The following PLCL2 variants were observed in gnomAD, a reference collection of about 807,000 sequenced individuals.
PLCL2 encodes inactive phospholipase C-like protein 2.
Under a neutral mutation model 79.6 loss-of-function variants are expected in PLCL2, and 4 were observed. The observed-to-expected ratio is 0.05, with a 90% CI of 0.02 to 0.11. The LOEUF is 0.11. Ranked by LOEUF, PLCL2 falls within the 10% of genes least tolerant of loss-of-function variation. PLCL2 has a pLI of 1.00. For missense variants in PLCL2, 895 were observed against 1,291.0 expected (o/e 0.69, Z 4.70); for synonymous variants, 484 against 457.7 (o/e 1.06, Z -0.73).
chr3:17,069,951 C>T (rs1240869586), intron 5 of PLCL2, among the ~76,000 whole-genome samples: 1 of 152,212 alleles, frequency 6.6e-6, no homozygotes, highest in African/African-American at 2.4e-5. Flanking sequence ...AATTTGCTGA[C>T]TCACTCCTGG....
intron 3 of PLCL2, among the ~76,000 whole-genome samples, chr3:17,023,871 A>G (rs1181024924): frequency 6.6e-6 from 1 of 152,168 alleles, no homozygotes; most frequent in Non-Finnish European, 1.5e-5. Context: ...ATAGGTGGAA[A>G]GCTCCAGGGA....
chr3:17,067,624 C>A (rs2065023158), intron 4 of PLCL2, among the ~76,000 whole-genome samples: 1 of 152,142 alleles, frequency 6.6e-6, no homozygotes, highest in African/African-American at 2.4e-5. Flanking sequence ...GATGCTGGTC[C>A]CAGCCCTTCT....
intron 1 of PLCL2, among the ~76,000 whole-genome samples, chr3:16,980,661 C>T (rs2063982326): frequency 6.6e-6 from 1 of 151,534 alleles, no homozygotes; most frequent in South Asian, 2.1e-4. Context: ...ACTGGGCAGC[C>T]AGGCAGAGGG....
intron 1 of PLCL2, among the ~76,000 whole-genome samples, chr3:16,955,144 G>A (rs1004873243): frequency 6.6e-6 from 1 of 152,186 alleles, no homozygotes; most frequent in Non-Finnish European, 1.5e-5. Flanking sequence ...TTCTTCTAGG[G>A]TTTGTATGGT....
At chr3:16,931,695 CT>C (rs1697396740) in intron 1 of PLCL2, among the ~76,000 whole-genome samples, 1 of 152,140 alleles carries the variant, frequency 6.6e-6, no homozygotes, top group East Asian at 1.9e-4. Context: ...AGGCAAGTCT[CT>C]TTTTTTAAGG....
At chr3:17,051,376 G>A (rs963715982) in intron 4 of PLCL2, among the ~76,000 whole-genome samples, 2 of 151,972 alleles carry the variant, frequency 1.3e-5, no homozygotes, top group Non-Finnish European at 2.9e-5. Flanking sequence ...CCATTATTAT[G>A]CATTACATGC....
chr3:16,954,687 T>C (rs551219430), intron 1 of PLCL2, among the ~76,000 whole-genome samples: 84 of 152,238 alleles, frequency 5.5e-4, no homozygotes, highest in African/African-American at 1.7e-3. Flanking sequence ...CTCCAGCACC[T>C]GTTGTTTCCT....
intron 3 of PLCL2, among the ~76,000 whole-genome samples, chr3:17,016,952 C>A (rs888386111): frequency 1.3e-5 from 2 of 152,120 alleles, no homozygotes; most frequent in African/African-American, 4.8e-5. Flanking sequence ...GGTAGTACCC[C>A]GTGGAGGTGA....
chr3:17,037,423 C>T (rs2064669551), intron 3 of PLCL2, among the ~76,000 whole-genome samples: 1 of 152,166 alleles, frequency 6.6e-6, no homozygotes, highest in South Asian at 2.1e-4. Context: ...AAAGATACTT[C>T]CCTGTTATGT....
intron 4 of PLCL2, among the ~76,000 whole-genome samples, chr3:17,061,003 A>G (rs2064947078): frequency 1.3e-5 from 2 of 152,228 alleles, no homozygotes; most frequent in Admixed American, 1.3e-4. Flanking sequence ...TGAAAAACTA[A>G]TCTTTAAGTG....
intron 1 of PLCL2, among the ~76,000 whole-genome samples, chr3:16,941,754 A>AT (rs201960050): frequency 1.3e-5 from 2 of 151,554 alleles, no homozygotes; most frequent in African/African-American, 2.4e-5. Flanking sequence ...ATTGTGACCC[A>AT]TTTTTTTTAA....
intron 3 of PLCL2, among the ~76,000 whole-genome samples, chr3:17,028,646 T>C (rs927266731): frequency 3.3e-5 from 5 of 151,898 alleles, no homozygotes; most frequent in Admixed American, 2.0e-4. Context: ...CCGGCTCATT[T>C]TGTTGTTTTG....
Position 17,012,175 on chromosome 3 carries a change from T to G in PLCL2, c.2814+15T>G, listed in dbSNP as rs2064333430. ...AAAACATGCAGGTGCGTGCTTGTGT[T>G]TAATCATTTACTCAATGGTTTTCCT... On this transcript the variant is annotated intron_variant, in intron 2 of 5. Coordinates refer to ENST00000615277, the MANE Select transcript of PLCL2 (RefSeq NM_001144382.2). 6.3e-7 allele frequency: 1 copy of G among 1,592,596 alleles called. No individual in the cohort carries two copies.
At chr3:16,931,505 A>G (rs1434902144) in intron 1 of PLCL2, among the ~76,000 whole-genome samples, 1 of 152,240 alleles carries the variant, frequency 6.6e-6, no homozygotes, top group Non-Finnish European at 1.5e-5. Flanking sequence ...ATCAGCAGAC[A>G]GAATAACCTG....
chr3:17,027,040 C>T (rs1309218119), intron 3 of PLCL2, among the ~76,000 whole-genome samples: 2 of 152,014 alleles, frequency 1.3e-5, no homozygotes, highest in Non-Finnish European at 2.9e-5. Context: ...TATTGTTAAA[C>T]GTTAGAATTC....
intron 1 of PLCL2, among the ~76,000 whole-genome samples, chr3:16,901,046 G>A (rs148627799): frequency 2.6e-5 from 4 of 152,304 alleles, no homozygotes; most frequent in African/African-American, 9.6e-5. Context: ...CGCCTTGATT[G>A]TGTGTTGCTG....
intron 1 of PLCL2, among the ~76,000 whole-genome samples, chr3:16,922,924 C>G (rs541338431): frequency 1.6e-4 from 25 of 152,074 alleles, no homozygotes; most frequent in African/African-American, 6.0e-4. Context: ...ACCTTGATTT[C>G]CCTATCAATA....
intron 3 of PLCL2, chr3:17,035,855 G>T (rs2064645314): frequency 2.0e-6 from 1 of 493,104 alleles, no homozygotes; most frequent in Non-Finnish European, 4.0e-6. Context: ...CTGCAGCGGG[G>T]TCCTGTGTGT....
intron 3 of PLCL2, among the ~76,000 whole-genome samples, chr3:17,023,823 A>T (rs982703214): frequency 3.3e-5 from 5 of 152,212 alleles, no homozygotes; most frequent in Admixed American, 3.3e-4. Context: ...TTCATAAGAT[A>T]GTTGCTCCTC....
Sources: gnomAD v4.1 joint callset for allele counts (sites outside exome capture counted in the v4.1 genomes callset) on GRCh38, gnomAD v4.1.1 for gene constraint, MANE v1.5 for transcripts, NCBI Gene and HGNC (gene_info 2026-07-23, HGNC 2026-07-21) for gene names.